Variants in MPRIP observed in about 807,000 individuals in gnomAD.
MPRIP encodes the protein myosin phosphatase Rho-interacting protein.
MPRIP carries 59 observed loss-of-function variants against 234.9 expected under a neutral mutation model. That is an observed-to-expected ratio of 0.25 (90% CI 0.20 to 0.31). The LOEUF (loss-of-function observed/expected upper bound fraction) is 0.31. MPRIP is among the 10% of genes least tolerant of loss of function. The pLI is 1.00. For missense variants in MPRIP, 2,436 were observed against 3,071.0 expected (o/e 0.79, Z 4.89); for synonymous variants, 1,144 against 1,263.9 (o/e 0.91, Z 2.01).
chr17:17,162,948 C>T (rs1209431688), intron 15 of MPRIP, among the ~76,000 whole-genome samples: 1 of 152,196 alleles, frequency 6.6e-6, no homozygotes, highest in Non-Finnish European at 1.5e-5. Context: ...AGGAACCTAC[C>T]TCTGTCTAAC....
chr17:17,082,736 C>G (rs938406984), intron 3 of MPRIP, among the ~76,000 whole-genome samples: 1 of 152,218 alleles, frequency 6.6e-6, no homozygotes, highest in African/African-American at 2.4e-5. Context: ...CCCTTTTCAA[C>G]TTGCTAACTG....
intron 3 of MPRIP, among the ~76,000 whole-genome samples, chr17:17,089,875 T>G (rs527446430): frequency 1.8e-4 from 28 of 152,146 alleles, no homozygotes; most frequent in Non-Finnish European, 3.2e-4. Flanking sequence ...TTGGGGGCGA[T>G]GGAGAAGTGG....
intron 1 of MPRIP, among the ~76,000 whole-genome samples, chr17:17,074,663 G>A (rs960564294): frequency 5.9e-5 from 9 of 152,118 alleles, no homozygotes; most frequent in African/African-American, 1.2e-4. Flanking sequence ...CCAGTCCCTG[G>A]CGACCACTAA....
At chr17:17,171,682 G>T in intron 16 of MPRIP, 36 bp from the exon 17 acceptor site, 1 of 1,600,578 alleles carries the variant, frequency 6.2e-7, no homozygotes, top group Non-Finnish European at 8.5e-7. Flanking sequence ...TAGAGGTAAA[G>T]AAAGAAGTCG....
chr17:17,073,987 T>C (rs2089266259), intron 1 of MPRIP, among the ~76,000 whole-genome samples: 1 of 152,152 alleles, frequency 6.6e-6, no homozygotes. Context: ...AAGCCAGTGC[T>C]CCTGGGGACC....
At chr17:17,141,459 G>T (rs569909583) in intron 7 of MPRIP, 1 of 152,268 alleles carries the variant, frequency 6.6e-6, no homozygotes, top group African/African-American at 2.4e-5. Context: ...GACACTTTGT[G>T]TCTAAGCACA....
intron 1 of MPRIP, among the ~76,000 whole-genome samples, chr17:17,050,283 C>G (rs1222881916): frequency 1.4e-5 from 2 of 140,394 alleles, no homozygotes; most frequent in Non-Finnish European, 3.0e-5. Flanking sequence ...CCACTGCACT[C>G]CAGCCTGGGC....
chr17:17,146,463 T>A (rs767029382), intron 10 of MPRIP, among the ~76,000 whole-genome samples: 3 of 152,196 alleles, frequency 2.0e-5, no homozygotes, highest in Non-Finnish European at 2.9e-5. Context: ...GGGATTGGCT[T>A]GTGTTTCCAT....
At chr17:17,139,956 C>T (rs1269082822) in intron 7 of MPRIP, among the ~76,000 whole-genome samples, 1 of 152,238 alleles carries the variant, frequency 6.6e-6, no homozygotes, top group Non-Finnish European at 1.5e-5. Flanking sequence ...AACTGAGGCT[C>T]AGGAGTAGGT....
At position 17,185,932 on chromosome 17, in the gene MPRIP, A is replaced by G. The variant is rs767437979; in HGVS notation, c.*1038A>G. 2 of 157,168 alleles carry G rather than the reference A, an allele frequency of 1.3e-5. No homozygotes were observed. Among genetic ancestry groups the G allele is most frequent in the Non-Finnish European group, 2.8e-5 (2 of 71,306 alleles). 9.7% of individuals were successfully genotyped at this position (157,168 alleles called of 1,614,324 possible). On this transcript the variant is annotated 3_prime_UTR_variant, in exon 24 of 24. Transcript: ENST00000651222. ...TAATTAATCTGAGCTCTGAAAACCT[A>G]TCTTGCAGCATTTATCTTTAAAAGA...
intron 13 of MPRIP, among the ~76,000 whole-genome samples, chr17:17,157,904 A>G (rs182844130): frequency 3.9e-5 from 6 of 152,092 alleles, no homozygotes; most frequent in African/African-American, 7.2e-5. Context: ...AGAAAGTGCT[A>G]GTTTTCCCTC....
At chr17:17,052,972 G>A (rs1474239558) in intron 1 of MPRIP, among the ~76,000 whole-genome samples, 1 of 152,152 alleles carries the variant, frequency 6.6e-6, no homozygotes, top group Non-Finnish European at 1.5e-5. Context: ...GGGGCCAAGG[G>A]AAGGGGGAGC....
intron 5 of MPRIP, among the ~76,000 whole-genome samples, chr17:17,131,904 G>T (rs1425139827): frequency 1.3e-5 from 2 of 152,202 alleles, no homozygotes; most frequent in Non-Finnish European, 2.9e-5. Flanking sequence ...AGGGTGGCCT[G>T]CTAGTGTGCT....
At chr17:17,072,711 A>G (rs1344411430) in intron 1 of MPRIP, among the ~76,000 whole-genome samples, 1 of 151,998 alleles carries the variant, frequency 6.6e-6, no homozygotes, top group African/African-American at 2.4e-5. Flanking sequence ...GAGAGGCAAG[A>G]GTGGTGGTGA....
At chr17:17,057,756 G>A (rs963336791) in intron 1 of MPRIP, 7 of 713,606 alleles carry the variant, frequency 9.8e-6, no homozygotes, top group South Asian at 5.9e-5. Context: ...ACCCCCACCC[G>A]CTGCCCCATC....
chr17:17,171,493 A>G lies in MPRIP; in HGVS notation c.6325-225A>G, dbSNP rs546798065. 4 of 538,394 alleles carry G rather than the reference A, an allele frequency of 7.4e-6. No individual in the cohort carries two copies. The Admixed American group carries it at 1.1e-4, about 15-fold the overall frequency. 33.4% of individuals were successfully genotyped at this position (538,394 alleles called of 1,614,324 possible). A position where few individuals can be genotyped will look rare whatever the true frequency, so the allele number is the denominator to read the frequency against. On this transcript the variant is annotated intron_variant, in intron 16 of 23. Transcript: ENST00000651222. ...CAGTACAGTCACAGAAATAAGAGGT[A>G]GAGTTGACTGGTAACACCCTTTTCT...
intron 1 of MPRIP, among the ~76,000 whole-genome samples, chr17:17,056,915 A>T (rs531004181): frequency 7.9e-5 from 12 of 152,208 alleles, no homozygotes; most frequent in Non-Finnish European, 1.2e-4. Flanking sequence ...ACTTGGCCTA[A>T]TGCTTTCAAG....
chr17:17,178,486 G>C (rs2046304599), intron 22 of MPRIP: 1 of 149,082 alleles, frequency 6.7e-6, no homozygotes. Context: ...GGAGTTCTAG[G>C]CAGTCACACA....
rs2046201040 is a variant in MPRIP at position 17,173,993 on chromosome 17, A to T, written c.6668A>T (p.His2223Leu). The T allele has an allele frequency of 6.2e-7, 1 of 1,613,668 alleles. No homozygotes were observed. Among genetic ancestry groups the T allele is most frequent in the African/African-American group, 1.3e-5 (1 of 74,958 alleles). The change falls in exon 19 of 24, where the codon CAT becomes CTT. Residue 2223 changes from histidine to leucine, a missense_variant. Transcript: ENST00000651222. ...QYSQKCLENA[H>L]LAQALEAERQ... The stretch of plus-strand genomic sequence containing the variant: ...TCGCAGAAGTGCCTGGAGAATGCCC[A>T]TCTGGCCCAGGCGCTGGAGGCCGAG...
Sources: gnomAD v4.1 joint callset for allele counts (sites outside exome capture counted in the v4.1 genomes callset) on GRCh38, gnomAD v4.1.1 for gene constraint, MANE v1.5 for transcripts, NCBI Gene and HGNC (gene_info 2026-07-23, HGNC 2026-07-21) for gene names.